The following HSPA9 variants were observed in gnomAD, a reference collection of about 807,000 sequenced individuals.
HSPA9 encodes the protein stress-70 protein, mitochondrial.
In HSPA9, 28 loss-of-function variants were observed where a neutral mutation model predicts 81.5. The observed-to-expected ratio is 0.34, with a 90% CI of 0.25 to 0.47. The LOEUF is 0.47. HSPA9 is among the 20% of genes least tolerant of loss of function. The probability of loss-of-function intolerance (pLI) is 1.00; values close to 1 mark genes in which losing one functional copy is unlikely to be tolerated. For missense variants in HSPA9, 678 were observed against 838.0 expected, an observed-to-expected ratio of 0.81 and a Z score of 2.36; for synonymous variants, 293 against 290.4, an observed-to-expected ratio of 1.01 and a Z score of -0.09.
chr5:138,571,341 A>G (rs889004930), intron 3 of HSPA9, among the ~76,000 whole-genome samples, 200 bp from the exon 4 acceptor site: 1 of 151,854 alleles, frequency 6.6e-6, no homozygotes, highest in Non-Finnish European at 1.5e-5. Context: ...CCACCACACC[A>G]AGCTAATTTT....
In HSPA9 at chr5:138,567,307, GA is replaced by G. The variant is rs560607622; in HGVS notation, c.717-145del. On this transcript the variant is annotated intron_variant, in intron 7 of 16. Coordinates refer to ENST00000297185, the MANE Select transcript of HSPA9 (RefSeq NM_004134.7). ...CTAGTTAAATTACCATGGCCCAAAA[GA>G]AAAGAAAAGAATGGTTTTGAAATGA... The G allele has an allele frequency of 9.7e-4, 933 of 966,180 alleles. 7 individuals carry two copies. In the African/African-American group the frequency reaches 0.013, roughly 14 times the overall value. The allele number at this position is 966,180 out of a possible 1,614,324, so 59.9% of individuals were successfully genotyped here.
intron 1 of HSPA9, 51 bp downstream of exon 1, chr5:138,575,186 AG>A: frequency 7.7e-7 from 1 of 1,296,300 alleles, no homozygotes; most frequent in Non-Finnish European, 1.1e-6. Context: ...GCGAAGCCCG[AG>A]GCCCAAGGCC....
At chr5:138,572,989 G>A (rs929993952) in intron 3 of HSPA9, among the ~76,000 whole-genome samples, 1 of 151,866 alleles carries the variant, frequency 6.6e-6, no homozygotes, top group African/African-American at 2.4e-5. Flanking sequence ...TCCACCTCCT[G>A]GGTTCAAGCG....
rs192396325 is a variant in HSPA9, at chr5:138,571,353, C to T, written c.229-212G>A. Among the ~76,000 whole-genome samples, 551 of 151,988 alleles carry T rather than the reference C, an allele frequency of 3.6e-3. 5 individuals are homozygous for T. Among genetic ancestry groups the T allele is most frequent in the African/African-American group, 0.012 (500 of 41,470 alleles). ...GCACCACCACACCAAGCTAATTTTT[C>T]GGCATTTTTTAGTAGAGACGGGGGT... On this transcript the variant is annotated intron_variant, in intron 3 of 16. Coordinates refer to ENST00000297185, the MANE Select transcript of HSPA9 (RefSeq NM_004134.7).
chr5:138,561,457 A>G (rs964213393), intron 10 of HSPA9, 123 bp downstream of exon 10: 12 of 766,462 alleles, frequency 1.6e-5, no homozygotes, highest in Non-Finnish European at 2.5e-5. Context: ...TTTAGTGAGT[A>G]TATAATCTCA....
At chr5:138,570,117 A>C (rs1407914781) in intron 4 of HSPA9, among the ~76,000 whole-genome samples, 2 of 151,944 alleles carry the variant, frequency 1.3e-5, no homozygotes, top group Non-Finnish European at 2.9e-5. Flanking sequence ...AGCTCACCTC[A>C]GCCTCCCAAA....
intron 14 of HSPA9, 141 bp downstream of exon 14, chr5:138,557,261 G>A (rs965900785): frequency 1.1e-4 from 75 of 711,874 alleles, no homozygotes; most frequent in African/African-American, 5.8e-4. Flanking sequence ...CACCACGCCC[G>A]GCTTCAAACG....
At chr5:138,568,081 A>C (rs1750803197) in intron 5 of HSPA9, among the ~76,000 whole-genome samples, 1 of 151,886 alleles carries the variant, frequency 6.6e-6, no homozygotes, top group African/African-American at 2.4e-5. Flanking sequence ...GCTACTCAGG[A>C]GGCTGAGGCG....
chr5:138,570,319 G>A (rs1338505686), intron 4 of HSPA9, among the ~76,000 whole-genome samples: 3 of 151,920 alleles, frequency 2.0e-5, no homozygotes, highest in Non-Finnish European at 2.9e-5. Flanking sequence ...ATTGGGAGGG[G>A]GGAAGAAAAA....
At chr5:138,568,773 A>G (rs190086121) in intron 5 of HSPA9, 152 bp downstream of exon 5, 2 of 766,132 alleles carry the variant, frequency 2.6e-6, no homozygotes, top group East Asian at 2.6e-5. Flanking sequence ...CTGCAGGGAA[A>G]GCATGAAGTA....
chr5:138,559,945 CAG>C lies in HSPA9; in HGVS notation c.1327_1328del (p.Leu443ValfsTer5). On this transcript the variant is annotated frameshift_variant, in exon 11 of 17. Transcript: ENST00000297185. LOFTEE classifies it high-confidence loss of function. Reference protein sequence around the residue: ...TDVLLLDVTPLSLGIETLGGV... With the variant: ...TDVLLLDVTPXSLGIETLGGV... ...CTCCTAGAGTTTCAATACCCAGAGA[CAG>C]GGGAGTGACATCAAGGAGCAGCACA... The C allele has an allele frequency of 6.2e-7, 1 of 1,614,064 alleles. No homozygotes were observed. Among genetic ancestry groups the C allele is most frequent in the Non-Finnish European group, 8.5e-7 (1 of 1,180,020 alleles).
Position 138,565,874 on chromosome 5 carries a change from A to AT in HSPA9, c.972+751dup, listed in dbSNP as rs576295927. On this transcript the variant is annotated intron_variant, in intron 9 of 16. Transcript: ENST00000297185. The stretch of plus-strand genomic sequence containing the variant: ...CAGTTGTATAGACTATGACCAGCTA[A>AT]TTTTTCAAATTATTAAGTGAGAGAC... 1.3e-3 allele frequency among the ~76,000 whole-genome samples: 202 copies of AT among 152,274 alleles called. 1 individual carries two copies. Among genetic ancestry groups the AT allele is most frequent in the Middle Eastern group, 6.8e-3 (2 of 294 alleles).
intron 15 of HSPA9, 45 bp from the exon 16 acceptor site, chr5:138,556,637 T>C (rs756575313): frequency 3.1e-6 from 5 of 1,604,576 alleles, no homozygotes; most frequent in Non-Finnish European, 1.7e-6. Flanking sequence ...AGGTCTCCTG[T>C]ACCATTACAA....
At chr5:138,568,003 T>C (rs751757673) in intron 5 of HSPA9, among the ~76,000 whole-genome samples, 2 of 149,688 alleles carry the variant, frequency 1.3e-5, no homozygotes, top group Non-Finnish European at 3.0e-5. Flanking sequence ...CTAACCAATA[T>C]GGAGAAACCC....
intron 2 of HSPA9, 78 bp from the exon 3 acceptor site, chr5:138,573,928 G>T (rs1751016478): frequency 7.7e-7 from 1 of 1,297,996 alleles, no homozygotes; most frequent in East Asian, 2.4e-5. Context: ...TATTTAATTG[G>T]AAAATTAACA....
chr5:138,571,812 T>TGTGTG (rs1750901633), intron 3 of HSPA9, among the ~76,000 whole-genome samples: 1 of 146,178 alleles, frequency 6.8e-6, no homozygotes, highest in Non-Finnish European at 1.5e-5. Flanking sequence ...CCAACTAATT[T>TGTGTG]TGTGTGTGTG....
At chr5:138,573,988 A>C in intron 2 of HSPA9, 80 bp downstream of exon 2, 2 of 502,180 alleles carry the variant, frequency 4.0e-6, no homozygotes, top group Non-Finnish European at 5.4e-6. Flanking sequence ...AATTACAGAG[A>C]AGAATAATCA....
chr5:138,555,946 A>G lies in HSPA9; in HGVS notation c.*91T>C, dbSNP rs1242056081. The G allele has an allele frequency of 3.8e-5, 34 of 896,032 alleles. No homozygotes were observed. Among genetic ancestry groups the G allele is most frequent in the Non-Finnish European group, 7.5e-6 (4 of 535,406 alleles). 55.5% of individuals were successfully genotyped at this position (896,032 alleles called of 1,614,324 possible). A position where few individuals can be genotyped will look rare whatever the true frequency, so the allele number is the denominator to read the frequency against. On this transcript the variant is annotated 3_prime_UTR_variant, in exon 17 of 17. Transcript: ENST00000297185. ...ATAGAATACTGCAAAAACACAGTAA[A>G]AAGACTGAAGTTCGCCCATTTCTGC...
chr5:138,571,669 G>C (rs1358163401), intron 3 of HSPA9, among the ~76,000 whole-genome samples: 1 of 149,888 alleles, frequency 6.7e-6, no homozygotes, highest in Non-Finnish European at 1.5e-5. Context: ...TTTTTGAGAG[G>C]GAGTCTCGCT....
Sources: allele counts gnomAD v4.1 joint callset (sites outside exome capture counted in the v4.1 genomes callset), GRCh38; gene constraint gnomAD v4.1.1; transcripts MANE v1.5; gene names NCBI Gene and HGNC (gene_info 2026-07-23, HGNC 2026-07-21).